The following ATP8A2 variants were observed in gnomAD, a reference collection of about 807,000 sequenced individuals.
The protein encoded by ATP8A2 is phospholipid-transporting ATPase IB.
A neutral mutation model predicts 165.6 loss-of-function variants in ATP8A2; 100 were observed. That is an observed-to-expected ratio of 0.60 (90% confidence interval 0.51 to 0.71). The LOEUF (loss-of-function observed/expected upper bound fraction) is 0.71, where lower values mean the gene tolerates loss of function less well. Among genes scored for constraint, ATP8A2 ranks in the 30% least tolerant of loss-of-function variants. The pLI is 0.00. For missense variants in ATP8A2, 1,227 were observed against 1,479.5 expected, an observed-to-expected ratio of 0.83 and a Z score of 2.80; for synonymous variants, 543 against 548.8, an observed-to-expected ratio of 0.99 and a Z score of 0.15.
intron 33 of ATP8A2, among the ~76,000 whole-genome samples, chr13:25,886,704 A>G (rs527665794): frequency 4.7e-4 from 72 of 152,188 alleles, no homozygotes; most frequent in Non-Finnish European, 9.4e-4. Flanking sequence ...TCTTCGTGCC[A>G]TCTGATAGCT....
intron 11 of ATP8A2, among the ~76,000 whole-genome samples, chr13:25,551,984 G>T (rs540050733): frequency 6.6e-6 from 1 of 152,100 alleles, no homozygotes; most frequent in South Asian, 2.1e-4. Flanking sequence ...TATTGATAGT[G>T]TTTTTTGTTG....
chr13:25,977,266 C>T (rs904093692), intron 35 of ATP8A2, among the ~76,000 whole-genome samples: 1 of 151,890 alleles, frequency 6.6e-6, no homozygotes, highest in African/African-American at 2.4e-5. Context: ...AGCCTAATGC[C>T]GGCAAACATT....
chr13:25,655,081 T>C (rs776902970), intron 24 of ATP8A2, among the ~76,000 whole-genome samples: 19 of 152,200 alleles, frequency 1.2e-4, no homozygotes, highest in Non-Finnish European at 2.6e-4. Context: ...AGAAGAGTTT[T>C]ACATTCTACA....
chr13:25,379,027 A>G (rs1210671202), intron 1 of ATP8A2, among the ~76,000 whole-genome samples: 1 of 152,236 alleles, frequency 6.6e-6, no homozygotes, highest in Non-Finnish European at 1.5e-5. Context: ...GCAGGAGAGA[A>G]GAAATACTCC....
chr13:25,684,085 G>A (rs1284163161), intron 24 of ATP8A2, among the ~76,000 whole-genome samples: 1 of 152,128 alleles, frequency 6.6e-6, no homozygotes, highest in South Asian at 2.1e-4. Flanking sequence ...AATTTCTAAC[G>A]AATAAGATAT....
intron 6 of ATP8A2, among the ~76,000 whole-genome samples, chr13:25,537,233 C>A (rs1460573282): frequency 6.6e-6 from 1 of 152,148 alleles, no homozygotes; most frequent in Non-Finnish European, 1.5e-5. Flanking sequence ...CTGTACAAAT[C>A]TTCTCCATTT....
intron 24 of ATP8A2, among the ~76,000 whole-genome samples, chr13:25,670,358 G>T (rs946259021): frequency 6.6e-6 from 1 of 152,150 alleles, no homozygotes; most frequent in Admixed American, 6.5e-5. Flanking sequence ...TGAATCAGAC[G>T]TTCTGCAGTC....
intron 23 of ATP8A2, among the ~76,000 whole-genome samples, chr13:25,583,676 C>T (rs2039839131): frequency 6.6e-6 from 1 of 152,116 alleles, no homozygotes; most frequent in South Asian, 2.1e-4. Flanking sequence ...CAAGAGAAAG[C>T]AAAGTGCTGA....
At chr13:25,374,017 T>G (rs1344822825) in intron 1 of ATP8A2, among the ~76,000 whole-genome samples, 1 of 152,174 alleles carries the variant, frequency 6.6e-6, no homozygotes, top group Non-Finnish European at 1.5e-5. Flanking sequence ...CACGGGCCCC[T>G]AAGAATTATG....
chr13:25,470,605 G>T (rs1477858256), intron 2 of ATP8A2, among the ~76,000 whole-genome samples: 1 of 152,148 alleles, frequency 6.6e-6, no homozygotes, highest in African/African-American at 2.4e-5. Context: ...TTCTACTCCT[G>T]GGTAATCTGC....
At chr13:25,537,918 C>T (rs2038340104) in intron 6 of ATP8A2, 70 bp from the exon 7 acceptor site, 3 of 1,037,944 alleles carry the variant, frequency 2.9e-6, no homozygotes, top group African/African-American at 1.6e-5. Flanking sequence ...AATATTTAAG[C>T]ACCTTTTTCA....
intron 24 of ATP8A2, among the ~76,000 whole-genome samples, chr13:25,667,232 T>C (rs1211850321): frequency 2.6e-5 from 4 of 152,144 alleles, no homozygotes; most frequent in Non-Finnish European, 1.5e-5. Flanking sequence ...AATCATACAG[T>C]GTGTGCTATG....
intron 24 of ATP8A2, among the ~76,000 whole-genome samples, chr13:25,646,976 A>C (rs115894087): frequency 0.034 from 5,250 of 152,290 alleles, 153 homozygotes; most frequent in East Asian, 0.13. Flanking sequence ...AAGCTGATAA[A>C]AACTCAAGTT....
chr13:26,003,833 G>A (rs1308795686), intron 35 of ATP8A2, among the ~76,000 whole-genome samples: 2 of 152,142 alleles, frequency 1.3e-5, no homozygotes, highest in Non-Finnish European at 2.9e-5. Context: ...GACCATAAAT[G>A]TACGGGTTTA....
chr13:25,705,259 G>A (rs570076938), intron 25 of ATP8A2: 1 of 344,734 alleles, frequency 2.9e-6, no homozygotes, highest in African/African-American at 2.2e-5. Context: ...TCTTTAAAGT[G>A]ACTGTCTCGT....
intron 24 of ATP8A2, among the ~76,000 whole-genome samples, chr13:25,633,904 A>G (rs2041306823): frequency 6.6e-6 from 1 of 151,878 alleles, no homozygotes. Context: ...TGAGCCTGGA[A>G]GGTTGAGGCT....
At chr13:25,892,651 G>A (rs1953409154) in intron 33 of ATP8A2, among the ~76,000 whole-genome samples, 2 of 151,800 alleles carry the variant, frequency 1.3e-5, no homozygotes, top group African/African-American at 4.8e-5. Flanking sequence ...CAGGTGTACT[G>A]GGACACAGCA....
intron 30 of ATP8A2, among the ~76,000 whole-genome samples, chr13:25,840,211 A>T (rs1247602006): frequency 7.2e-5 from 11 of 152,196 alleles, no homozygotes; most frequent in African/African-American, 2.7e-4. Flanking sequence ...CACATCCAGA[A>T]CGTGGCCTCC....
At position 25,571,710 on chromosome 13, in the gene ATP8A2, G is replaced by A. The variant is rs1387903387; in HGVS notation, c.1662+18G>A. ...TAGAAGCGGTGAGTAACATGCGTGT[G>A]CACATTTCAGATCACCTGCTTTTGT... On this transcript the variant is annotated intron_variant, in intron 18 of 36. Transcript: ENST00000381655. 6 of 1,598,328 alleles carry A rather than the reference G, an allele frequency of 3.8e-6. No homozygotes were observed. The South Asian group carries it at 5.5e-5, about 15-fold the overall frequency.
Sources: gnomAD v4.1 joint callset for allele counts (sites outside exome capture counted in the v4.1 genomes callset) on GRCh38, gnomAD v4.1.1 for gene constraint, MANE v1.5 for transcripts, NCBI Gene and HGNC (gene_info 2026-07-23, HGNC 2026-07-21) for gene names.